Variants in RRM1 observed in about 807,000 individuals in gnomAD.
The protein encoded by RRM1 is ribonucleoside-diphosphate reductase large subunit.
RRM1 carries 19 observed loss-of-function variants against 101.5 expected under a neutral mutation model. The observed-to-expected ratio is 0.19, with a 90% CI of 0.13 to 0.27. RRM1 has a LOEUF of 0.27. RRM1 is among the 10% of genes least tolerant of loss of function. RRM1 has a pLI of 1.00. For missense variants in RRM1, 500 were observed against 962.9 expected (o/e 0.52, Z 6.36); for synonymous variants, 298 against 323.4 (o/e 0.92, Z 0.84).
chr11:4,130,651 A>T (rs1166309922), intron 15 of RRM1, among the ~76,000 whole-genome samples: 1 of 152,164 alleles, frequency 6.6e-6, no homozygotes, highest in Non-Finnish European at 1.5e-5. Flanking sequence ...AGCCGAGATC[A>T]TGCCACTGTA....
At chr11:4,107,024 G>C (rs904390214) in intron 3 of RRM1, among the ~76,000 whole-genome samples, 2 of 152,024 alleles carry the variant, frequency 1.3e-5, no homozygotes, top group African/African-American at 4.8e-5. Context: ...CTCCCGAGTA[G>C]TTGGGACTAC....
intron 7 of RRM1, among the ~76,000 whole-genome samples, chr11:4,115,557 C>T (rs1389276602): frequency 6.6e-6 from 1 of 151,712 alleles, no homozygotes; most frequent in African/African-American, 2.4e-5. Flanking sequence ...TTGATACCTC[C>T]ACTTACCTTT....
chr11:4,124,830 TTTTTTC>T (rs1278585981), intron 12 of RRM1, among the ~76,000 whole-genome samples: 1 of 111,376 alleles, frequency 9.0e-6, no homozygotes, highest in Non-Finnish European at 2.2e-5. Flanking sequence ...ATTCAGTGTT[TTTTTTC>T]TTTTCTTTTC....
chr11:4,123,285 C>T lies in RRM1; in HGVS notation c.1221C>T (p.Tyr407=), dbSNP rs1371052023. 2 of 1,613,882 alleles carry T rather than the reference C, an allele frequency of 1.2e-6. No individual in the cohort carries two copies. The highest frequency in any genetic ancestry group is 1.1e-5 in the South Asian group (1 of 91,084). Reference sequence around the variant, plus strand: ...AAACAGGCACCCCGTATATGCTCTACAAAGATTCCTGTAATCGAAAGAGCA... The same window carrying T: ...AAACAGGCACCCCGTATATGCTCTATAAAGATTCCTGTAATCGAAAGAGCA... ...QTETGTPYML[Y]KDSCNRKSNQ... Residue 407 remains tyrosine (Y), a synonymous_variant, in exon 12 of 19, where the codon TAC becomes TAT. Transcript: ENST00000300738.
chr11:4,129,283 C>A, intron 15 of RRM1, 133 bp downstream of exon 15: 2 of 525,618 alleles, frequency 3.8e-6, no homozygotes, highest in South Asian at 3.0e-5. Flanking sequence ...TGGCCTATCT[C>A]ACAAAACTAT....
chr11:4,115,314 G>A (rs1024481156), intron 7 of RRM1, among the ~76,000 whole-genome samples: 5 of 152,078 alleles, frequency 3.3e-5, no homozygotes, highest in African/African-American at 1.2e-4. Context: ...ATGTGGGTGG[G>A]CCCTTAATCC....
Position 4,123,404 on chromosome 11 carries a change from C to T in RRM1, c.1320+20C>T. On this transcript the variant is annotated intron_variant, in intron 12 of 18. Transcript: ENST00000300738. The stretch of plus-strand genomic sequence containing the variant: ...GATGAGGTAGGTAGAAAAAATTCTT[C>T]CTAGAGTACTAAGAAGAGAACCTTA... 4 of 1,587,732 alleles carry T rather than the reference C, an allele frequency of 2.5e-6. No individual in the cohort carries two copies. The highest frequency in any genetic ancestry group is 2.2e-5 in the East Asian group (1 of 44,746).
At position 4,132,295 on chromosome 11, in the gene RRM1, A is replaced by G. The variant is rs751751326; in HGVS notation, c.1779A>G (p.Ile593Met). 15 of 1,614,132 alleles carry G rather than the reference A, an allele frequency of 9.3e-6. No homozygotes were observed. Among genetic ancestry groups the G allele is most frequent in the Middle Eastern group, 3.3e-4 (2 of 6,062 alleles). Residue 593 changes from isoleucine (I) to methionine (M), a missense_variant, in exon 16 of 19, where the codon ATA becomes ATG. Around this residue, in one of 9 missense-constraint regions of RRM1, gnomAD observed 106 missense variants for 138.1 expected, o/e 0.77. Transcript: ENST00000300738. The surrounding 1 kb of genome is among the most constrained non-coding windows in gnomAD (Gnocchi z 4.1). ...VLKEKIAKYG[I>M]RNSLLIAPMP... Reference sequence around the variant, plus strand: ...ATCTCCTTTTCTTTAGGTATGGTATAAGAAACAGTTTACTTATTGCCCCGA... The same window carrying G: ...ATCTCCTTTTCTTTAGGTATGGTATGAGAAACAGTTTACTTATTGCCCCGA...
chr11:4,123,032 G>A, intron 11 of RRM1, 151 bp from the exon 12 acceptor site: 1 of 667,864 alleles, frequency 1.5e-6, no homozygotes, highest in African/African-American at 1.8e-5. Flanking sequence ...TTTAGCTAGA[G>A]TAAAATAAAT....
rs774226307 is a variant in RRM1 at position 4,111,967 on chromosome 11, A to G, written c.555A>G (p.Ala185=). 6.2e-7 allele frequency: 1 copy of G among 1,613,988 alleles called. No individual in the cohort carries two copies. The highest frequency in any genetic ancestry group is 8.5e-7 in the Non-Finnish European group (1 of 1,179,860). ...GGATCCACAAAGAAGACATTGATGCAGCAATTGAAACATATAATCTTCTTT... is the reference window on the plus strand; with the variant it reads ...GGATCCACAAAGAAGACATTGATGCGGCAATTGAAACATATAATCTTCTTT... ...SVGIHKEDID[A]AIETYNLLSE... The change falls in exon 7 of 19, where the codon GCA becomes GCG. Residue 185 remains alanine (A), a synonymous_variant. Transcript: ENST00000300738.
At chr11:4,124,125 G>T (rs2094585973) in intron 12 of RRM1, among the ~76,000 whole-genome samples, 1 of 152,194 alleles carries the variant, frequency 6.6e-6, no homozygotes, top group Admixed American at 6.5e-5. Flanking sequence ...TATGGCTGGG[G>T]GAAGGGAGAT....
intron 7 of RRM1, among the ~76,000 whole-genome samples, chr11:4,116,746 G>A (rs376184179): frequency 2.0e-5 from 3 of 151,994 alleles, no homozygotes; most frequent in Admixed American, 2.0e-4. Flanking sequence ...CAAAGCAAAG[G>A]CTGGCTTGAG....
In RRM1 at chr11:4,116,899, C is replaced by G. The variant is rs115351063; in HGVS notation, c.651-1421C>G. On this transcript the variant is annotated intron_variant, in intron 7 of 18. Coordinates refer to ENST00000300738, the MANE Select transcript of RRM1 (RefSeq NM_001033.5). Reference sequence around the variant, plus strand: ...GGAGGATCGCTCGAGCCCAGGAGGTCAAAGCTGCTGTGAGCTATGATCATG... The same window carrying G: ...GGAGGATCGCTCGAGCCCAGGAGGTGAAAGCTGCTGTGAGCTATGATCATG... 2.6e-3 allele frequency among the ~76,000 whole-genome samples: 384 copies of G among 150,280 alleles called. 1 individual carries two copies. Among genetic ancestry groups the G allele is most frequent in the African/African-American group, 9.1e-3 (371 of 40,880 alleles).
chr11:4,123,522 CAG>C, intron 12 of RRM1, 138 bp downstream of exon 12: 1 of 700,872 alleles, frequency 1.4e-6, no homozygotes, highest in Admixed American at 2.4e-5. Context: ...CTGTTAAAGG[CAG>C]AGAGCAAAGG....
rs779939720 is a variant in RRM1 at position 4,119,833 on chromosome 11, T to C, written c.793-12T>C. ...GTGCCCTCTGTCATTTCTATCATGG[T>C]CTCTCTTTTAGACTAATGGCAATTC... is the stretch of plus-strand genomic sequence containing the variant. On this transcript the variant is annotated splice_polypyrimidine_tract_variant and intron_variant, in intron 8 of 18. Coordinates refer to ENST00000300738, the MANE Select transcript of RRM1 (RefSeq NM_001033.5). 5.8e-6 allele frequency: 9 copies of C among 1,544,754 alleles called. No homozygotes were observed. In the South Asian group the frequency reaches 1.0e-4, roughly 18 times the overall value.
At chr11:4,095,520 G>A (rs1001215634) in intron 1 of RRM1, among the ~76,000 whole-genome samples, 6 of 152,114 alleles carry the variant, frequency 3.9e-5, no homozygotes, top group African/African-American at 1.4e-4. Flanking sequence ...AGAAGGAGGG[G>A]GCCTCTCTAC....
chr11:4,117,737 G>A (rs1159992196), intron 7 of RRM1, among the ~76,000 whole-genome samples: 1 of 152,122 alleles, frequency 6.6e-6, no homozygotes, highest in East Asian at 1.9e-4. Flanking sequence ...TAAACACCTA[G>A]TCAATAGATA....
intron 7 of RRM1, among the ~76,000 whole-genome samples, chr11:4,112,891 C>A (rs2094567545): frequency 6.6e-6 from 1 of 152,048 alleles, no homozygotes; most frequent in South Asian, 2.1e-4. Flanking sequence ...CACTTGAGGT[C>A]AGAAGTTCAA....
Position 4,126,811 on chromosome 11 carries a change from T to C in RRM1, c.1448T>C (p.Ile483Thr). ...CGAAACTTGAATAAAATTATTGATA[T>C]AAACTACTATCCTGTACCAGAGGTA... is the stretch of plus-strand genomic sequence containing the variant. ...VVRNLNKIID[I>T]NYYPVPEACL... Residue 483 changes from isoleucine (I) to threonine (T), a missense_variant, in exon 13 of 19, where the codon ATA becomes ACA. Physicochemically the swap from Ile to Thr is moderately conservative, Grantham distance 89 (BLOSUM62 -1). Transcript: ENST00000300738. 1 of 1,612,652 alleles carries C rather than the reference T, an allele frequency of 6.2e-7. No individual in the cohort carries two copies. The highest frequency in any genetic ancestry group is 8.5e-7 in the Non-Finnish European group (1 of 1,178,990).
Sources: allele counts gnomAD v4.1 joint callset (sites outside exome capture counted in the v4.1 genomes callset), GRCh38; gene constraint gnomAD v4.1.1; regional missense constraint gnomAD v4.1.1; non-coding constraint Gnocchi (gnomAD v3.1); transcripts MANE v1.5; gene names NCBI Gene and HGNC (gene_info 2026-07-23, HGNC 2026-07-21).